ZFHX3: variants seen among roughly 807,000 people sequenced by gnomAD.
ZFHX3 encodes the protein zinc finger homeobox protein 3.
In ZFHX3, 42 loss-of-function variants were observed where a neutral mutation model predicts 279.1. The ratio of observed to expected loss-of-function variants is 0.15; its 90% CI spans 0.12 to 0.19. ZFHX3 has a LOEUF of 0.19. Among genes scored for constraint, ZFHX3 ranks in the 10% least tolerant of loss-of-function variants. The pLI, the probability that ZFHX3 is intolerant of heterozygous loss-of-function variation, is 1.00. For synonymous variants in ZFHX3, 2,293 were observed against 1,957.8 expected, an observed-to-expected ratio of 1.17 and a Z score of -4.52; for missense variants, 4,981 against 4,754.0, an observed-to-expected ratio of 1.05 and a Z score of -1.40.
intron 4 of ZFHX3, among the ~76,000 whole-genome samples, chr16:73,259,178 A>T (rs1430885785): frequency 6.6e-6 from 1 of 152,148 alleles, no homozygotes; most frequent in Non-Finnish European, 1.5e-5. Context: ...CACACGTGTG[A>T]GCGTTTCCCT....
intron 1 of ZFHX3, among the ~76,000 whole-genome samples, chr16:73,796,776 G>A (rs1339819955): frequency 3.3e-5 from 5 of 152,106 alleles, no homozygotes; most frequent in Admixed American, 3.3e-4. Flanking sequence ...GATGGCAAAG[G>A]GGACCCAAAA....
intron 2 of ZFHX3, among the ~76,000 whole-genome samples, chr16:73,511,977 C>T (rs990760014): frequency 2.3e-4 from 35 of 152,178 alleles, no homozygotes; most frequent in African/African-American, 8.4e-4. Flanking sequence ...GCTTGTGGTC[C>T]CCAAGGCTCA....
chr16:73,050,564 A>T (rs1965430792), upstream of ZFHX3, among the ~76,000 whole-genome samples: 1 of 152,210 alleles, frequency 6.6e-6, no homozygotes, highest in South Asian at 2.1e-4. Flanking sequence ...CATAAAAACA[A>T]TACCTCTTCA....
chr16:73,403,690 ACTGAAAGGCTGGC>A (rs1402364095), intron 3 of ZFHX3, among the ~76,000 whole-genome samples: 1 of 152,194 alleles, frequency 6.6e-6, no homozygotes, highest in Non-Finnish European at 1.5e-5. Context: ...GGAGCTGAGC[ACTGAAAGGCTGGC>A]CGGTGGCGAA....
At chr16:73,245,628 G>T (rs1212003209) in intron 5 of ZFHX3, among the ~76,000 whole-genome samples, 3 of 152,210 alleles carry the variant, frequency 2.0e-5, no homozygotes, top group Non-Finnish European at 4.4e-5. Context: ...AAGACGTAGG[G>T]CTCCTTCTGG....
intron 3 of ZFHX3, among the ~76,000 whole-genome samples, chr16:72,923,937 C>G (rs572824532): frequency 2.6e-5 from 4 of 152,182 alleles, no homozygotes; most frequent in Non-Finnish European, 5.9e-5. Flanking sequence ...GTTCACAACA[C>G]GATTACTCAT....
At chr16:73,322,715 T>C (rs1267245930) in intron 3 of ZFHX3, among the ~76,000 whole-genome samples, 1 of 152,202 alleles carries the variant, frequency 6.6e-6, no homozygotes, top group Non-Finnish European at 1.5e-5. Flanking sequence ...ATAAGGTCTG[T>C]CTCCACATTT....
At chr16:73,510,086 G>A (rs886476706) in intron 2 of ZFHX3, among the ~76,000 whole-genome samples, 2 of 152,108 alleles carry the variant, frequency 1.3e-5, no homozygotes, top group Admixed American at 6.6e-5. Context: ...CTATGAGCTT[G>A]GTGTGGTTGG....
chr16:73,115,990 C>T (rs549320501), intron 7 of ZFHX3, among the ~76,000 whole-genome samples: 32 of 152,196 alleles, frequency 2.1e-4, no homozygotes, highest in African/African-American at 7.7e-4. Flanking sequence ...CGTGGTGATG[C>T]ATGCCTGTAA....
chr16:73,163,915 C>T (rs1021983749), intron 5 of ZFHX3, among the ~76,000 whole-genome samples: 7 of 152,148 alleles, frequency 4.6e-5, no homozygotes, highest in Non-Finnish European at 1.0e-4. Context: ...AACACTTTCA[C>T]TCTCTTTCTT....
At position 72,958,767 on chromosome 16, in the gene ZFHX3, T is replaced by C. The variant is rs1206902362; in HGVS notation, c.1379A>G (p.Glu460Gly). Reference protein sequence around the residue: ...DCFSEKVEPAEEEAEEEEEEE... With the variant: ...DCFSEKVEPAGEEAEEEEEEE... ...CTCCTCTTCCTCCTCCGCCTCCTCT[T>C]CGGCTGGCTCTACCTTCTCAGAGAA... The change falls in exon 2 of 10, where the codon GAA becomes GGA. Residue 460 changes from glutamate (E) to glycine (G), a missense_variant. By Grantham distance (98) the Glu-to-Gly change is moderately conservative (BLOSUM62 -2). Around this residue, in one of 7 missense-constraint regions of ZFHX3, gnomAD observed 1,068 missense variants for 935.2 expected, o/e 1.14. Coordinates refer to ENST00000268489, the MANE Select transcript of ZFHX3 (RefSeq NM_006885.4). 3 of 1,614,038 alleles carry C rather than the reference T, an allele frequency of 1.9e-6. No homozygotes were observed. Among genetic ancestry groups the C allele is most frequent in the Middle Eastern group, 1.7e-4 (1 of 6,050 alleles).
At chr16:73,158,815 A>C (rs192205550) in intron 5 of ZFHX3, among the ~76,000 whole-genome samples, 1 of 152,354 alleles carries the variant, frequency 6.6e-6, no homozygotes, top group East Asian at 1.9e-4. Flanking sequence ...GCTGACAAAA[A>C]CAAGCAAATA....
intron 1 of ZFHX3, among the ~76,000 whole-genome samples, chr16:73,001,236 G>A (rs1478127234): frequency 6.6e-6 from 1 of 152,208 alleles, no homozygotes; most frequent in African/African-American, 2.4e-5. Context: ...GCAAAGAACT[G>A]AGAGCAGCCT....
chr16:72,817,426 G>A (rs915831830), intron 5 of ZFHX3, among the ~76,000 whole-genome samples: 2 of 152,160 alleles, frequency 1.3e-5, no homozygotes, highest in African/African-American at 4.8e-5. Flanking sequence ...TCAAAGATAA[G>A]CCTGAAGAAA....
intron 1 of ZFHX3, among the ~76,000 whole-genome samples, chr16:73,772,053 G>A (rs2054024243): frequency 6.6e-6 from 1 of 152,018 alleles, no homozygotes; most frequent in African/African-American, 2.4e-5. Flanking sequence ...AAACTGTGGG[G>A]ATGTGAGCCA....
intron 7 of ZFHX3, chr16:73,127,320 T>C (rs755288566): frequency 2.3e-6 from 3 of 1,293,672 alleles, no homozygotes; most frequent in South Asian, 2.5e-5. Flanking sequence ...CAGCCTTCGC[T>C]GGTGGCAGCC....
intron 4 of ZFHX3, among the ~76,000 whole-genome samples, chr16:73,293,140 C>G (rs1005054985): frequency 6.6e-6 from 1 of 152,066 alleles, no homozygotes; most frequent in Non-Finnish European, 1.5e-5. Context: ...CACAGGTTTG[C>G]GTGAGGAGAT....
chr16:73,869,000 T>C (rs1962100076), intron 1 of ZFHX3, among the ~76,000 whole-genome samples: 1 of 152,222 alleles, frequency 6.6e-6, no homozygotes, highest in Non-Finnish European at 1.5e-5. Context: ...ATGGTCAATG[T>C]TGTCCTGATC....
At chr16:73,507,341 A>T (rs2019344130) in intron 2 of ZFHX3, among the ~76,000 whole-genome samples, 1 of 152,172 alleles carries the variant, frequency 6.6e-6, no homozygotes, top group Non-Finnish European at 1.5e-5. Flanking sequence ...GATTCCTTTA[A>T]GTTCAATACA....
Sources: allele counts gnomAD v4.1 joint callset (sites outside exome capture counted in the v4.1 genomes callset), GRCh38; gene constraint gnomAD v4.1.1; regional missense constraint gnomAD v4.1.1; transcripts MANE v1.5; gene names NCBI Gene and HGNC (gene_info 2026-07-23, HGNC 2026-07-21).